Variants in GFRAL observed in about 807,000 individuals in gnomAD.
GFRAL encodes the protein GDNF family receptor alpha like.
GFRAL carries 36 observed loss-of-function variants against 45.4 expected under a neutral mutation model. The ratio of observed to expected loss-of-function variants is 0.79; its 90% confidence interval spans 0.61 to 1.05. The LOEUF is 1.05. Ranked by LOEUF, GFRAL falls within the 50% of genes least tolerant of loss-of-function variation. GFRAL has a pLI of 0.00. For missense variants in GFRAL, 507 were observed against 467.5 expected (o/e 1.08, Z -0.78); for synonymous variants, 166 against 154.1 (o/e 1.08, Z -0.57).
chr6:55,401,966 GTTTCTT>G lies in GFRAL; in HGVS notation c.*128_*133del, dbSNP rs1342728198. 3.2e-6 allele frequency: 2 copies of G among 625,580 alleles called. No homozygotes were observed. The highest frequency in any genetic ancestry group is 1.9e-5 in the African/African-American group (1 of 51,372). The allele number at this position is 625,580 out of a possible 1,614,324, so 38.8% of individuals were successfully genotyped here. A position where few individuals can be genotyped will look rare whatever the true frequency, so the allele number is the denominator to read the frequency against. On this transcript the variant is annotated 3_prime_UTR_variant, in exon 9 of 9. Transcript: ENST00000340465. Reference sequence around the variant, plus strand: ...TCTCCTCTCCTCCCCTCCCCTCTCTGTTTCTTTTTCTTTTTCTTTTCTTTTTTGTGG... The same window carrying G: ...TCTCCTCTCCTCCCCTCCCCTCTCTGTTTCTTTTTCTTTTCTTTTTTGTGG...
At chr6:55,381,152 C>T (rs1286772649) in intron 6 of GFRAL, among the ~76,000 whole-genome samples, 1 of 151,894 alleles carries the variant, frequency 6.6e-6, no homozygotes, top group Non-Finnish European at 1.5e-5. Flanking sequence ...TAAATGTGTG[C>T]ATTCCTTTAA....
chr6:55,388,007 C>CT (rs1768701751), intron 6 of GFRAL, among the ~76,000 whole-genome samples: 1 of 152,066 alleles, frequency 6.6e-6, no homozygotes, highest in South Asian at 2.1e-4. Context: ...CATGTGAGCC[C>CT]TTGGTGGTGT....
chr6:55,338,079 T>G (rs1484564801), intron 3 of GFRAL, among the ~76,000 whole-genome samples: 1 of 152,050 alleles, frequency 6.6e-6, no homozygotes, highest in East Asian at 1.9e-4. Flanking sequence ...CACTTTGTTA[T>G]GATTTATTTT....
At chr6:55,394,637 A>G (rs1561868326) in intron 6 of GFRAL, among the ~76,000 whole-genome samples, 1 of 152,126 alleles carries the variant, frequency 6.6e-6, no homozygotes, top group Admixed American at 6.5e-5. Flanking sequence ...TGACAGTTTA[A>G]TGCAGTAGTG....
intron 6 of GFRAL, among the ~76,000 whole-genome samples, chr6:55,378,140 G>T (rs142957720): frequency 6.6e-6 from 1 of 151,912 alleles, no homozygotes; most frequent in African/African-American, 2.4e-5. Context: ...CCCACATTTC[G>T]TGCTTCAGTG....
At chr6:55,352,367 A>G (rs1334486993) in intron 5 of GFRAL, among the ~76,000 whole-genome samples, 1 of 152,126 alleles carries the variant, frequency 6.6e-6, no homozygotes, top group Admixed American at 6.6e-5. Flanking sequence ...AAAGTCCAGG[A>G]AGAGTGACAA....
intron 6 of GFRAL, among the ~76,000 whole-genome samples, chr6:55,382,710 T>C (rs1768627087): frequency 6.6e-6 from 1 of 151,902 alleles, no homozygotes; most frequent in Admixed American, 6.6e-5. Flanking sequence ...ATAGCACCAA[T>C]GTGTCTGGGT....
chr6:55,377,575 T>C (rs959428450), intron 6 of GFRAL, among the ~76,000 whole-genome samples: 3 of 152,002 alleles, frequency 2.0e-5, no homozygotes, highest in African/African-American at 4.8e-5. Context: ...CATAAGTGCA[T>C]TCCACATGTA....
At chr6:55,356,277 T>C (rs373316710) in intron 5 of GFRAL, among the ~76,000 whole-genome samples, 1 of 151,890 alleles carries the variant, frequency 6.6e-6, no homozygotes, top group East Asian at 1.9e-4. Context: ...GTTGGAAATA[T>C]TTTTAGTAGA....
At chr6:55,343,120 A>C (rs1240172841) in intron 3 of GFRAL, among the ~76,000 whole-genome samples, 1 of 152,176 alleles carries the variant, frequency 6.6e-6, no homozygotes, top group Non-Finnish European at 1.5e-5. Context: ...CAGATCAATG[A>C]GACAGGAAGG....
At chr6:55,367,636 G>A (rs1451272645) in intron 6 of GFRAL, among the ~76,000 whole-genome samples, 2 of 151,034 alleles carry the variant, frequency 1.3e-5, no homozygotes, top group Admixed American at 6.6e-5. Context: ...AGGCAGGCCT[G>A]GTGGTGACAA....
At chr6:55,363,340 C>G (rs1032548499) in intron 6 of GFRAL, among the ~76,000 whole-genome samples, 2 of 151,834 alleles carry the variant, frequency 1.3e-5, no homozygotes, top group Non-Finnish European at 2.9e-5. Context: ...TTAAGGCAAT[C>G]AAACTATACT....
intron 6 of GFRAL, among the ~76,000 whole-genome samples, chr6:55,366,327 CT>C (rs918267964): frequency 5.3e-5 from 8 of 150,952 alleles, no homozygotes; most frequent in South Asian, 2.1e-4. Flanking sequence ...TGATTCTGCT[CT>C]TTTTTTTTCT....
intron 6 of GFRAL, 139 bp downstream of exon 6, chr6:55,359,277 T>C (rs942236114): frequency 4.5e-6 from 3 of 665,372 alleles, no homozygotes; most frequent in African/African-American, 3.7e-5. Flanking sequence ...CATTTGAAAA[T>C]TTGCTTTCTG....
chr6:55,375,556 G>A (rs983653962), intron 6 of GFRAL, among the ~76,000 whole-genome samples: 7 of 152,038 alleles, frequency 4.6e-5, no homozygotes, highest in African/African-American at 1.2e-4. Context: ...ATATAGGATC[G>A]TATCATCTGC....
At chr6:55,372,977 C>A in intron 6 of GFRAL, among the ~76,000 whole-genome samples, 1 of 151,740 alleles carries the variant, frequency 6.6e-6, no homozygotes, top group Non-Finnish European at 1.5e-5. Context: ...GTTGTGGCAC[C>A]TTGTAATAGA....
At chr6:55,335,895 CTTTATTTTATTTTATTTTAT>C (rs143794858) in intron 3 of GFRAL, among the ~76,000 whole-genome samples, 2,156 of 147,856 alleles carry the variant, frequency 0.015, 23 homozygotes, top group Non-Finnish European at 0.022. Context: ...ATTTCTTTGT[CTTTATTTTATTTTATTTTAT>C]TTTATTTTAT....
intron 6 of GFRAL, among the ~76,000 whole-genome samples, chr6:55,383,878 T>C (rs1197595165): frequency 1.3e-5 from 2 of 152,024 alleles, no homozygotes; most frequent in East Asian, 1.9e-4. Flanking sequence ...AGAGTACTCA[T>C]TGATTCTCTT....
At chr6:55,356,191 G>GT (rs1342358700) in intron 5 of GFRAL, among the ~76,000 whole-genome samples, 1 of 151,754 alleles carries the variant, frequency 6.6e-6, no homozygotes, top group Non-Finnish European at 1.5e-5. Context: ...ACTTTCCTTG[G>GT]TATGTCTTGT....
Sources: allele counts gnomAD v4.1 joint callset (sites outside exome capture counted in the v4.1 genomes callset), GRCh38; gene constraint gnomAD v4.1.1; transcripts MANE v1.5; gene names NCBI Gene and HGNC (gene_info 2026-07-23, HGNC 2026-07-21).